Variants in CFAP77 observed in about 807,000 individuals in gnomAD.
The protein encoded by CFAP77 is cilia and flagella associated protein 77.
CFAP77 carries 25 observed loss-of-function variants against 31.1 expected under a neutral mutation model. The ratio of observed to expected loss-of-function variants is 0.80; its 90% CI spans 0.59 to 1.12. The LOEUF is 1.12. CFAP77 is among the 50% of genes most tolerant of loss of function. The pLI is 0.00. For synonymous variants in CFAP77, 151 were observed against 159.9 expected, an observed-to-expected ratio of 0.94 and a Z score of 0.42; for missense variants, 377 against 397.3, an observed-to-expected ratio of 0.95 and a Z score of 0.44.
chr9:132,485,565 G>C (rs562471706), intron 1 of CFAP77, among the ~76,000 whole-genome samples: 24 of 152,318 alleles, frequency 1.6e-4, no homozygotes, highest in Middle Eastern at 3.4e-3. Context: ...GGCTCAGACT[G>C]TTATGAAAAT....
intron 1 of CFAP77, among the ~76,000 whole-genome samples, chr9:132,466,138 G>T (rs1266777390): frequency 6.6e-6 from 1 of 152,152 alleles, no homozygotes; most frequent in African/African-American, 2.4e-5. Flanking sequence ...CCAGGCTGGG[G>T]TGCAGTGGCT....
In CFAP77 at chr9:132,490,224, C is replaced by G. The variant is rs574146508; in HGVS notation, c.196-8471C>G. ...CAGAGCCCTCATGACTCAACCACCC[C>G]CTAAAGGCCACACCCCTGAATACTG... On this transcript the variant is annotated intron_variant, in intron 1 of 5. Coordinates refer to ENST00000393216, the MANE Select transcript of CFAP77 (RefSeq NM_001282957.2). This position sits in a 1 kb window ranked among gnomAD's most constrained non-coding sequence, Gnocchi z 4.6. Among the ~76,000 whole-genome samples the G allele has an allele frequency of 1.2e-4, 18 of 152,276 alleles. No individual in the cohort carries two copies. In the South Asian group the frequency reaches 3.3e-3, roughly 28 times the overall value.
At chr9:132,463,761 G>A (rs1851102364) in intron 1 of CFAP77, among the ~76,000 whole-genome samples, 1 of 152,246 alleles carries the variant, frequency 6.6e-6, no homozygotes. Flanking sequence ...GCAGGCCTGA[G>A]CCTGGAGGCA....
chr9:132,540,958 T>A (rs1192063657), intron 4 of CFAP77, among the ~76,000 whole-genome samples: 4 of 152,204 alleles, frequency 2.6e-5, no homozygotes, highest in African/African-American at 7.2e-5. Context: ...ACACTTGTTG[T>A]ACCAACCTCG....
intron 3 of CFAP77, among the ~76,000 whole-genome samples, chr9:132,515,682 G>T (rs1852133187): frequency 6.6e-6 from 1 of 152,018 alleles, no homozygotes; most frequent in Admixed American, 6.6e-5. Flanking sequence ...TGCCTCTCCT[G>T]GCACCCCTTT....
chr9:132,437,861 G>C (rs1012863361), intron 1 of CFAP77, among the ~76,000 whole-genome samples: 1 of 150,832 alleles, frequency 6.6e-6, no homozygotes, highest in African/African-American at 2.4e-5. Flanking sequence ...TGGGTATATA[G>C]TAATTTCACC....
Position 132,554,713 on chromosome 9 carries a change from A to G in CFAP77, c.732+11666A>G, listed in dbSNP as rs541543270. 3.9e-5 allele frequency among the ~76,000 whole-genome samples: 6 copies of G among 152,292 alleles called. No individual in the cohort carries two copies. Among genetic ancestry groups the G allele is most frequent in the African/African-American group, 1.4e-4 (6 of 41,558 alleles). On this transcript the variant is annotated intron_variant, in intron 5 of 5. Transcript: ENST00000393216. The surrounding 1 kb of genome is among the most constrained non-coding windows in gnomAD (Gnocchi z 4.1). ...ACTTGGAAGGAGACAGGGTACAACT[A>G]CTGAAGAAAGTAAAACACTTCTTCC...
At chr9:132,555,345 C>T (rs1036397045) in intron 5 of CFAP77, among the ~76,000 whole-genome samples, 2 of 152,146 alleles carry the variant, frequency 1.3e-5, no homozygotes, top group African/African-American at 2.4e-5. Context: ...CCCGATGGGC[C>T]GAGGACACCA....
At chr9:132,558,520 C>T (rs139130832) in intron 5 of CFAP77, among the ~76,000 whole-genome samples, 9,081 of 151,930 alleles carry the variant, frequency 0.06, 309 homozygotes, top group Non-Finnish European at 0.082. Flanking sequence ...GCCTGGCCAA[C>T]GTGGTGAAAC....
intron 5 of CFAP77, among the ~76,000 whole-genome samples, chr9:132,549,160 C>A (rs1852782570): frequency 6.6e-6 from 1 of 152,192 alleles, no homozygotes; most frequent in South Asian, 2.1e-4. Flanking sequence ...CTGCTACACC[C>A]CCCAAGCGGG....
rs542803197 is a variant in CFAP77, at chr9:132,499,594, G to A, written c.518G>A (p.Arg173Gln). 3.2e-5 allele frequency: 51 copies of A among 1,614,158 alleles called. No individual in the cohort carries two copies. The highest frequency in any genetic ancestry group is 1.6e-4 in the South Asian group (15 of 91,088). The change falls in exon 3 of 6, where the codon CGG becomes CAG. Residue 173 changes from arginine to glutamine, a missense_variant. Coordinates refer to ENST00000393216, the MANE Select transcript of CFAP77 (RefSeq NM_001282957.2). The surrounding 1 kb of genome is among the most constrained non-coding windows in gnomAD (Gnocchi z 5.4). ...CCTCCAAACATGACATTTGGGATCCGGGCACGGTAAGGTGGCTGGCAGCCA... is the reference window on the plus strand; with the variant it reads ...CCTCCAAACATGACATTTGGGATCCAGGCACGGTAAGGTGGCTGGCAGCCA... ...PLPPNMTFGIRARPSTPFFDL... is the reference protein window; with the variant it reads ...PLPPNMTFGIQARPSTPFFDL...
chr9:132,502,263 A>ATTTTT (rs1260740755), intron 3 of CFAP77, among the ~76,000 whole-genome samples: 1 of 103,450 alleles, frequency 9.7e-6, no homozygotes, highest in South Asian at 2.9e-4. Context: ...ATATATATAT[A>ATTTTT]TATTTTTTTT....
chr9:132,414,634 A>G (rs1036100830), intron 1 of CFAP77, among the ~76,000 whole-genome samples: 2 of 152,104 alleles, frequency 1.3e-5, no homozygotes, highest in African/African-American at 4.8e-5. Context: ...TCAGATTTGC[A>G]GGAAGGGAGT....
intron 1 of CFAP77, among the ~76,000 whole-genome samples, chr9:132,463,618 G>A (rs1018698786): frequency 6.6e-6 from 1 of 152,188 alleles, no homozygotes; most frequent in Non-Finnish European, 1.5e-5. Context: ...CAGCAGGAAA[G>A]GGGTCACCGG....
intron 1 of CFAP77, among the ~76,000 whole-genome samples, chr9:132,461,097 A>G (rs1323430664): frequency 2.6e-5 from 4 of 152,212 alleles, no homozygotes; most frequent in Non-Finnish European, 5.9e-5. Flanking sequence ...ATGTATGCTC[A>G]TTTATTTACT....
At position 132,490,193 on chromosome 9, in the gene CFAP77, T is replaced by C. The variant is rs1356828029; in HGVS notation, c.196-8502T>C. On this transcript the variant is annotated intron_variant, in intron 1 of 5. Coordinates refer to ENST00000393216, the MANE Select transcript of CFAP77 (RefSeq NM_001282957.2). The surrounding 1 kb of genome is among the most constrained non-coding windows in gnomAD (Gnocchi z 4.6). ...TTTTATAAGGGCACCTATTCCCCCATGAGTGCAGAGCCCTCATGACTCAAC... is the reference window on the plus strand; with the variant it reads ...TTTTATAAGGGCACCTATTCCCCCACGAGTGCAGAGCCCTCATGACTCAAC... Among the ~76,000 whole-genome samples, 1 of 152,142 alleles carries C rather than the reference T, an allele frequency of 6.6e-6. No individual in the cohort carries two copies. Among genetic ancestry groups the C allele is most frequent in the Non-Finnish European group, 1.5e-5 (1 of 68,018 alleles).
At chr9:132,457,780 G>A (rs75198617) in intron 1 of CFAP77, among the ~76,000 whole-genome samples, 6,545 of 152,314 alleles carry the variant, frequency 0.043, 489 homozygotes, top group African/African-American at 0.15. Flanking sequence ...TCTCAAGGAG[G>A]CAGAGAGAGA....
chr9:132,522,710 A>G (rs1249444140), intron 3 of CFAP77, among the ~76,000 whole-genome samples: 1 of 152,198 alleles, frequency 6.6e-6, no homozygotes, highest in Non-Finnish European at 1.5e-5. Context: ...TCCCCAGTGC[A>G]TGGTGGGGTA....
At chr9:132,459,987 A>T (rs769919996) in intron 1 of CFAP77, among the ~76,000 whole-genome samples, 1 of 151,962 alleles carries the variant, frequency 6.6e-6, no homozygotes, top group Non-Finnish European at 1.5e-5. Context: ...CTTCTTAAAG[A>T]CCTTCAAGAC....
Sources: gnomAD v4.1 joint callset for allele counts (sites outside exome capture counted in the v4.1 genomes callset) on GRCh38, gnomAD v4.1.1 for gene constraint, Gnocchi (gnomAD v3.1) non-coding constraint, MANE v1.5 for transcripts, NCBI Gene and HGNC (gene_info 2026-07-23, HGNC 2026-07-21) for gene names.